Variants in MYL4 observed in about 807,000 individuals in gnomAD.
The protein encoded by MYL4 is myosin light chain 4.
In MYL4, 16 loss-of-function variants were observed where a neutral mutation model predicts 21.6. That is an observed-to-expected ratio of 0.74 (90% CI 0.50 to 1.12). MYL4 has a LOEUF of 1.12. MYL4 is among the 50% of genes most tolerant of loss of function. The pLI is 0.00. For missense variants in MYL4, 249 were observed against 252.9 expected (o/e 0.98, Z 0.11); for synonymous variants, 82 against 95.7 (o/e 0.86, Z 0.83).
Position 47,220,449 on chromosome 17 carries a change from C to A in MYL4, c.313+396C>A, listed in dbSNP as rs112750037. Among the ~76,000 whole-genome samples the A allele has an allele frequency of 1.9e-4, 29 of 152,282 alleles. No homozygotes were observed. In the South Asian group the frequency reaches 4.6e-3, roughly 24 times the overall value. ...CCGAGGTATCCTGTGGTGGCCATCG[C>A]GAGCTGTATTACAAACAATTTGTTT... On this transcript the variant is annotated intron_variant, in intron 3 of 6. Coordinates refer to ENST00000393450, the MANE Select transcript of MYL4 (RefSeq NM_002476.2).
intron 1 of MYL4, among the ~76,000 whole-genome samples, 160 bp from the exon 2 acceptor site, chr17:47,213,639 G>T (rs1454967123): frequency 2.0e-5 from 3 of 152,182 alleles, no homozygotes; most frequent in African/African-American, 7.2e-5. Flanking sequence ...CAGGAGACTT[G>T]TGTTTTACCC....
intron 1 of MYL4, among the ~76,000 whole-genome samples, chr17:47,210,521 C>G (rs890522734): frequency 1.3e-5 from 2 of 152,068 alleles, no homozygotes; most frequent in Admixed American, 1.3e-4. Flanking sequence ...GCTGAGCCCC[C>G]AGGGATCTCA....
intron 2 of MYL4, 85 bp downstream of exon 2, chr17:47,213,911 G>T (rs747442724): frequency 1.3e-5 from 18 of 1,429,760 alleles, no homozygotes; most frequent in Non-Finnish European, 1.2e-5. Flanking sequence ...AGGAGTAGTT[G>T]TCCTCATGGT....
At chr17:47,198,592 T>C (rs1045986637), upstream of MYL4, among the ~76,000 whole-genome samples, 1 of 152,226 alleles carries the variant, frequency 6.6e-6, no homozygotes, top group Non-Finnish European at 1.5e-5. Context: ...AGACTTTGTT[T>C]TTGTTACAGA....
At chr17:47,212,236 T>TAA (rs1229796556) in intron 1 of MYL4, among the ~76,000 whole-genome samples, 1 of 151,940 alleles carries the variant, frequency 6.6e-6, no homozygotes, top group Non-Finnish European at 1.5e-5. Context: ...GAATAAAAAA[T>TAA]AAAATAAAAT....
In MYL4 at chr17:47,221,721, C is replaced by T. The variant is rs537576399; in HGVS notation, c.353C>T (p.Pro118Leu). The change falls in exon 4 of 7, where the codon CCC becomes CTC. Residue 118 changes from proline to leucine, a missense_variant. Pro to Leu is a moderately conservative substitution (Grantham distance 98). Coordinates refer to ENST00000393450, the MANE Select transcript of MYL4 (RefSeq NM_002476.2). ...ATGCTGGACTTTGAGACGTTCTTGC[C>T]CATCCTGCAGCACATTTCCCGCAAC... ...VKMLDFETFL[P>L]ILQHISRNKE... is the part of the protein sequence containing the mutation. The T allele has an allele frequency of 6.2e-7, 1 of 1,614,030 alleles. No individual in the cohort carries two copies. The highest frequency in any genetic ancestry group is 8.5e-7 in the Non-Finnish European group (1 of 1,179,952).
At chr17:47,195,219 C>G in the MYL4 span, among the ~76,000 whole-genome samples, 1 of 149,658 alleles carries the variant, frequency 6.7e-6, no homozygotes, top group Non-Finnish European at 1.5e-5. Flanking sequence ...CATGCCACCA[C>G]AGTGGGCTAA....
chr17:47,197,497 C>T (rs1321001014), upstream of MYL4, among the ~76,000 whole-genome samples: 30 of 152,178 alleles, frequency 2.0e-4, no homozygotes, highest in Admixed American at 1.8e-3. Context: ...TGCTAAATGG[C>T]GTATGACTAG....
downstream of MYL4, among the ~76,000 whole-genome samples, chr17:47,226,158 C>G (rs73329133): frequency 6.6e-6 from 1 of 152,150 alleles, no homozygotes; most frequent in Non-Finnish European, 1.5e-5. Flanking sequence ...TTACTGTCCA[C>G]TTAAGCAAGC....
upstream of MYL4, among the ~76,000 whole-genome samples, chr17:47,197,744 T>C (rs925160687): frequency 3.9e-5 from 6 of 152,198 alleles, no homozygotes; most frequent in Admixed American, 1.3e-4. Flanking sequence ...TAGGCTAAGG[T>C]GAGTGTTCTA....
upstream of MYL4, chr17:47,209,115 G>C: frequency 2.0e-6 from 1 of 499,590 alleles, no homozygotes; most frequent in Non-Finnish European, 3.6e-6. Context: ...GTCCTTCTGG[G>C]TTTCCACCAA....
chr17:47,217,494 A>G (rs1223973553), intron 2 of MYL4, among the ~76,000 whole-genome samples: 2 of 152,252 alleles, frequency 1.3e-5, no homozygotes, highest in East Asian at 3.9e-4. Flanking sequence ...TAACAAGGCT[A>G]TGAGGTAGGT....
At position 47,221,782 on chromosome 17, in the gene MYL4, C is replaced by T. The variant is rs13589; in HGVS notation, c.414C>T (p.Gly138=). ...GCACCTATGAGGACTTCGTGGAGGG[C>T]CTGCGTGTCTTTGACAAGGAGAGCA... ...EQGTYEDFVE[G]LRVFDKESNG... The change falls in exon 4 of 7, where the codon GGC becomes GGT. Residue 138 remains glycine, a synonymous_variant. Coordinates refer to ENST00000393450, the MANE Select transcript of MYL4 (RefSeq NM_002476.2). 6.2e-7 allele frequency: 1 copy of T among 1,614,146 alleles called. No homozygotes were observed. The highest frequency in any genetic ancestry group is 8.5e-7 in the Non-Finnish European group (1 of 1,180,020).
intron 3 of MYL4, among the ~76,000 whole-genome samples, chr17:47,221,004 G>T (rs1025743416): frequency 8.5e-5 from 13 of 152,148 alleles, no homozygotes; most frequent in African/African-American, 2.9e-4. Context: ...GGACCAGAGG[G>T]CTAGGGGCTT....
intron 2 of MYL4, among the ~76,000 whole-genome samples, chr17:47,214,527 C>T (rs1393044341): frequency 6.6e-6 from 1 of 152,160 alleles, no homozygotes; most frequent in East Asian, 1.9e-4. Context: ...TGAAAAATCA[C>T]CTAATCCAAC....
intron 6 of MYL4, 133 bp from the exon 7 acceptor site, chr17:47,223,376 G>T (rs1268683473): frequency 3.0e-6 from 1 of 328,120 alleles, no homozygotes. Context: ...GGAAGAGAAG[G>T]TCCCTGGCCT....
upstream of MYL4, among the ~76,000 whole-genome samples, chr17:47,195,638 C>T (rs562090858): frequency 6.6e-6 from 1 of 152,316 alleles, no homozygotes; most frequent in African/African-American, 2.4e-5. Context: ...CACTCTCTTG[C>T]CTCACAGGCT....
chr17:47,225,855 C>CTTTTTTTTTTTTTTTTTTTTTTTTTT (rs60342000), downstream of MYL4, among the ~76,000 whole-genome samples: 1 of 113,304 alleles, frequency 8.8e-6, no homozygotes, highest in African/African-American at 3.5e-5. Flanking sequence ...TCCTTCCCTT[C>CTTTTTTTTTTTTTTTTTTTTTTTTTT]TTTTTTTTTT....
At chr17:47,205,921 C>T (rs946167009), upstream of MYL4, among the ~76,000 whole-genome samples, 1 of 152,158 alleles carries the variant, frequency 6.6e-6, no homozygotes, top group Non-Finnish European at 1.5e-5. Flanking sequence ...TTACCTTGTC[C>T]CTTTCTCATG....
Sources: allele counts gnomAD v4.1 joint callset (sites outside exome capture counted in the v4.1 genomes callset), GRCh38; gene constraint gnomAD v4.1.1; transcripts MANE v1.5; gene names NCBI Gene and HGNC (gene_info 2026-07-23, HGNC 2026-07-21).